MAFG: variants seen among roughly 807,000 people sequenced by gnomAD.
MAFG encodes MAF bZIP transcription factor G, also known as transcription factor MafG.
MAFG carries 3 observed loss-of-function variants against 12.2 expected under a neutral mutation model. That is an observed-to-expected ratio of 0.25 (90% confidence interval 0.11 to 0.64). MAFG has a LOEUF of 0.64. Among genes scored for constraint, MAFG ranks in the 30% least tolerant of loss-of-function variants. The pLI, the probability that MAFG is intolerant of heterozygous loss-of-function variation, is 0.85. For synonymous variants in MAFG, 126 were observed against 109.1 expected (o/e 1.15, Z -0.96); for missense variants, 153 against 235.5 (o/e 0.65, Z 2.29).
chr17:81,931,198 G>A (rs1219316057), upstream of MAFG, among the ~76,000 whole-genome samples: 3 of 152,150 alleles, frequency 2.0e-5, no homozygotes, highest in Non-Finnish European at 4.4e-5. Flanking sequence ...AAGCCCGTCT[G>A]CAGCCCCCCA....
In MAFG at chr17:81,921,778, T is replaced by G. The variant is rs1242695055; in HGVS notation, c.*827A>C. 1 of 152,124 alleles carries G rather than the reference T, an allele frequency of 6.6e-6. No individual in the cohort carries two copies. Among genetic ancestry groups the G allele is most frequent in the Non-Finnish European group, 1.5e-5 (1 of 68,026 alleles). 9.4% of individuals were successfully genotyped at this position (152,124 alleles called of 1,614,324 possible). A position where few individuals can be genotyped will look rare whatever the true frequency, so the allele number is the denominator to read the frequency against. ...ATGGTCAAATGGTCTTCTTGCTTGT[T>G]TTTTTTCTAAAAGACAGTTTTATAA... On this transcript the variant is annotated 3_prime_UTR_variant, in exon 3 of 3. Coordinates refer to ENST00000357736, the MANE Select transcript of MAFG (RefSeq NM_002359.4).
At chr17:81,929,591 C>G (rs966163603), upstream of MAFG, 2 of 152,508 alleles carry the variant, frequency 1.3e-5, no homozygotes, top group South Asian at 4.1e-4. The surrounding 1 kb of genome is among the most constrained non-coding windows in gnomAD (Gnocchi z 5.7). Flanking sequence ...ACACTTGTCC[C>G]TGGACACAGT....
chr17:81,925,890 G>A (rs1020716840), intron 1 of MAFG, among the ~76,000 whole-genome samples: 27 of 151,414 alleles, frequency 1.8e-4, no homozygotes, highest in Admixed American at 1.3e-3. Flanking sequence ...CCAGGCCAAC[G>A]GTCAGCTAAA....
chr17:81,921,544 C>T lies in MAFG; in HGVS notation c.*1061G>A, dbSNP rs956474234. On this transcript the variant is annotated 3_prime_UTR_variant, in exon 3 of 3. Transcript: ENST00000357736. ...ATATCAAAGAGGACGGCCTTCTGGT[C>T]GGCTCACGGCTTGGCTTTTTTTTTT... 5.3e-5 allele frequency: 8 copies of T among 150,322 alleles called. No homozygotes were observed. Among genetic ancestry groups the T allele is most frequent in the Middle Eastern group, 7.1e-3 (2 of 282 alleles). 9.3% of individuals were successfully genotyped at this position (150,322 alleles called of 1,614,324 possible). A position where few individuals can be genotyped will look rare whatever the true frequency, so the allele number is the denominator to read the frequency against.
At chr17:81,923,255 T>TCC in intron 1 of MAFG, 41 bp from the exon 2 acceptor site, 7 of 371,730 alleles carry the variant, frequency 1.9e-5, no homozygotes, top group South Asian at 1.5e-4. Flanking sequence ...GAGACCACCC[T>TCC]CGCCGCACCC....
chr17:81,923,366 G>A, intron 1 of MAFG, 152 bp from the exon 2 acceptor site: 3 of 550,122 alleles, frequency 5.5e-6, no homozygotes, highest in Non-Finnish European at 9.4e-6. Context: ...ATAGGAGGCA[G>A]CCCTTGGCCT....
rs1202114612 is a variant in MAFG at position 81,920,226 on chromosome 17, A to G, written c.*2379T>C. ...ACTAAATGACAAGAGTCAACAGCCA[A>G]TATTTCCATTTTCAGGCTGACGCAG... On this transcript the variant is annotated 3_prime_UTR_variant, in exon 3 of 3. Transcript: ENST00000357736. 2 of 152,250 alleles carry G rather than the reference A, an allele frequency of 1.3e-5. No individual in the cohort carries two copies. The highest frequency in any genetic ancestry group is 2.4e-5 in the African/African-American group (1 of 41,464). 9.4% of individuals were successfully genotyped at this position (152,250 alleles called of 1,614,324 possible). A position where few individuals can be genotyped will look rare whatever the true frequency, so the allele number is the denominator to read the frequency against.
chr17:81,923,262 A>ACCCCCCC (rs1002296043), intron 1 of MAFG, 48 bp from the exon 2 acceptor site: 16 of 362,746 alleles, frequency 4.4e-5, no homozygotes, highest in African/African-American at 2.7e-4. Flanking sequence ...CCCTCGCCGC[A>ACCCCCCC]CCCCCCCCCC....
In MAFG at chr17:81,923,273, CCCG is replaced by C; in HGVS notation, c.-29-62_-29-60del. On this transcript the variant is annotated intron_variant, in intron 1 of 2. Coordinates refer to ENST00000357736, the MANE Select transcript of MAFG (RefSeq NM_002359.4). ...ACCACCCTCGCCGCACCCCCCCCCC[CCCG>C]CCCCCGGCCCAGTTCACAAGAGCCC... The C allele has an allele frequency of 5.1e-6, 5 of 984,932 alleles. No homozygotes were observed. The African/African-American group carries it at 8.1e-5, about 16-fold the overall frequency. 61.0% of individuals were successfully genotyped at this position (984,932 alleles called of 1,614,324 possible). A position where few individuals can be genotyped will look rare whatever the true frequency, so the allele number is the denominator to read the frequency against.
At chr17:81,928,630 G>A (rs1291441898), upstream of MAFG, among the ~76,000 whole-genome samples, 1 of 152,206 alleles carries the variant, frequency 6.6e-6, no homozygotes, top group Non-Finnish European at 1.5e-5. This position sits in a 1 kb window ranked among gnomAD's most constrained non-coding sequence, Gnocchi z 8.1. Context: ...TGCGCTGTGG[G>A]GCTGCGTGTG....
In MAFG at chr17:81,918,777, G is replaced by C. The variant is rs1359312731; in HGVS notation, c.*3828C>G. ...CTTCAGGGACTAGCAGATTGAGGGG[G>C]TGGGAAGAAGGGCAGGGCTGGGACA... On this transcript the variant is annotated 3_prime_UTR_variant, in exon 3 of 3. Coordinates refer to ENST00000357736, the MANE Select transcript of MAFG (RefSeq NM_002359.4). The C allele has an allele frequency of 1.3e-5, 2 of 152,326 alleles. No individual in the cohort carries two copies. Among genetic ancestry groups the C allele is most frequent in the African/African-American group, 4.8e-5 (2 of 41,458 alleles). 9.4% of individuals were successfully genotyped at this position (152,326 alleles called of 1,614,324 possible).
chr17:81,930,419 A>G (rs1280036033), upstream of MAFG: 1 of 151,376 alleles, frequency 6.6e-6, no homozygotes, highest in Non-Finnish European at 1.5e-5. The surrounding 1 kb of genome is among the most constrained non-coding windows in gnomAD (Gnocchi z 4.1). Context: ...TAATCCCAGC[A>G]CTTTGGGAGG....
In MAFG at chr17:81,922,404, A is replaced by G. The variant is rs1322306584; in HGVS notation, c.*201T>C. On this transcript the variant is annotated 3_prime_UTR_variant, in exon 3 of 3. Coordinates refer to ENST00000357736, the MANE Select transcript of MAFG (RefSeq NM_002359.4). ...CACCGCCGAACTGACCAATCCCAACATACAAAACACACGACGACAATGACG... is the reference window on the plus strand; with the variant it reads ...CACCGCCGAACTGACCAATCCCAACGTACAAAACACACGACGACAATGACG... 4.4e-6 allele frequency: 2 copies of G among 456,364 alleles called. No homozygotes were observed. The highest frequency in any genetic ancestry group is 7.6e-6 in the Non-Finnish European group (2 of 263,798). 28.3% of individuals were successfully genotyped at this position (456,364 alleles called of 1,614,324 possible).
intron 1 of MAFG, among the ~76,000 whole-genome samples, chr17:81,925,286 C>A (rs2040930319): frequency 6.6e-6 from 1 of 152,232 alleles, no homozygotes; most frequent in African/African-American, 2.4e-5. Context: ...CTAGGCCACC[C>A]ATTCACACTG....
At position 81,918,715 on chromosome 17, in the gene MAFG, A is replaced by T. The variant is rs1337891396; in HGVS notation, c.*3890T>A. 6.6e-6 allele frequency: 1 copy of T among 152,352 alleles called. No homozygotes were observed. Among genetic ancestry groups the T allele is most frequent in the African/African-American group, 2.4e-5 (1 of 41,444 alleles). 9.4% of individuals were successfully genotyped at this position (152,352 alleles called of 1,614,324 possible). A position where few individuals can be genotyped will look rare whatever the true frequency, so the allele number is the denominator to read the frequency against. ...GGGCAGCCCTTGTCCTGTTGCCAGGAGAAGGCTTTCTGTGCCCACTCCCGT... is the reference window on the plus strand; with the variant it reads ...GGGCAGCCCTTGTCCTGTTGCCAGGTGAAGGCTTTCTGTGCCCACTCCCGT... On this transcript the variant is annotated 3_prime_UTR_variant, in exon 3 of 3. Coordinates refer to ENST00000357736, the MANE Select transcript of MAFG (RefSeq NM_002359.4).
chr17:81,931,176 C>T (rs562267569), upstream of MAFG, among the ~76,000 whole-genome samples: 15 of 152,310 alleles, frequency 9.8e-5, no homozygotes, highest in Admixed American at 9.1e-4. Context: ...CTGAAGCAAA[C>T]GCCTCCTTGC....
rs1052467800 is a variant in MAFG at position 81,926,612 on chromosome 17, C to T, written c.-30+916G>A. On this transcript the variant is annotated intron_variant, in intron 1 of 2. Coordinates refer to ENST00000357736, the MANE Select transcript of MAFG (RefSeq NM_002359.4). The surrounding 1 kb of genome is among the most constrained non-coding windows in gnomAD (Gnocchi z 4.6). ...TTGGCTAGCTCGGCCCACCGAAGCT[C>T]CTCCCCTCCCTCACTCAGGGAACTA... Among the ~76,000 whole-genome samples, 1 of 152,174 alleles carries T rather than the reference C, an allele frequency of 6.6e-6. No individual in the cohort carries two copies. The highest frequency in any genetic ancestry group is 1.5e-5 in the Non-Finnish European group (1 of 68,024).
At position 81,925,061 on chromosome 17, in the gene MAFG, G is replaced by A. The variant is rs527277071; in HGVS notation, c.-29-1847C>T. ...GGGCAGCCCTGAGCACAGCCAGTGC[G>A]TTCCAGGCTCCTGGCCTGGCCTCTG... On this transcript the variant is annotated intron_variant, in intron 1 of 2. Coordinates refer to ENST00000357736, the MANE Select transcript of MAFG (RefSeq NM_002359.4). 5.9e-5 allele frequency among the ~76,000 whole-genome samples: 9 copies of A among 152,350 alleles called. No individual in the cohort carries two copies. The East Asian group carries it at 1.3e-3, about 23-fold the overall frequency.
chr17:81,925,298 G>A (rs1304426996), intron 1 of MAFG, among the ~76,000 whole-genome samples: 2 of 152,212 alleles, frequency 1.3e-5, no homozygotes, highest in African/African-American at 2.4e-5. Context: ...TTCACACTGA[G>A]AGCCAGGAAA....
Sources: allele counts gnomAD v4.1 joint callset (sites outside exome capture counted in the v4.1 genomes callset), GRCh38; gene constraint gnomAD v4.1.1; non-coding constraint Gnocchi (gnomAD v3.1); transcripts MANE v1.5; gene names NCBI Gene and HGNC (gene_info 2026-07-23, HGNC 2026-07-21).